PEX19: variants seen among roughly 807,000 people sequenced by gnomAD.
PEX19 encodes the protein 33 kDa housekeeping protein.
A neutral mutation model predicts 36.3 loss-of-function variants in PEX19; 29 were observed. The observed-to-expected ratio is 0.80, with a 90% confidence interval of 0.60 to 1.09. PEX19 has a LOEUF of 1.09. Among genes scored for constraint, PEX19 ranks in the 50% least tolerant of loss-of-function variants. The pLI, the probability that PEX19 is intolerant of heterozygous loss-of-function variation, is 0.00. For missense variants in PEX19, 396 were observed against 368.1 expected, an observed-to-expected ratio of 1.08 and a Z score of -0.62; for synonymous variants, 141 against 135.2, an observed-to-expected ratio of 1.04 and a Z score of -0.30.
rs1197896526 is a variant in PEX19 at position 160,280,099 on chromosome 1, A to G, written c.742T>C (p.Phe248Leu). 1 of 1,613,868 alleles carries G rather than the reference A, an allele frequency of 6.2e-7. No homozygotes were observed. The highest frequency in any genetic ancestry group is 2.2e-5 in the East Asian group (1 of 44,886). The change falls in exon 6 of 8, where the codon TTT (phenylalanine) becomes CTT (leucine). Residue 248 changes from phenylalanine to leucine, a missense_variant. Coordinates refer to ENST00000368072, the MANE Select transcript of PEX19 (RefSeq NM_002857.4). ...TDSETTQKAR[F>L]EMVLDLMQQL... ...TGCATAAGATCCAGCACCATCTCAA[A>G]ACGAGCCTTTTGAGTGGTTTCACTG...
Position 160,283,044 on chromosome 1 carries a change from T to C in PEX19, c.246A>G (p.Gln82=). The change falls in exon 3 of 8, where the codon CAA becomes CAG. Residue 82 remains glutamine (Q), a synonymous_variant. Coordinates refer to ENST00000368072, the MANE Select transcript of PEX19 (RefSeq NM_002857.4). ...QELFDSELAS[Q]ATAEFEKAMK... ...TTGCCTTCTCGAACTCCGCAGTGGCTTGGGAAGCCAGTTCACTGTCGAATA... is the reference window on the plus strand; with the variant it reads ...TTGCCTTCTCGAACTCCGCAGTGGCCTGGGAAGCCAGTTCACTGTCGAATA... The C allele has an allele frequency of 6.2e-7, 1 of 1,614,170 alleles. No individual in the cohort carries two copies. The highest frequency in any genetic ancestry group is 8.5e-7 in the Non-Finnish European group (1 of 1,180,036).
Position 160,285,037 on chromosome 1 carries a change from C to T in PEX19, c.70+18G>A, listed in dbSNP as rs1311789178. The T allele has an allele frequency of 1.9e-6, 3 of 1,594,832 alleles. No individual in the cohort carries two copies. The highest frequency in any genetic ancestry group is 2.6e-6 in the Non-Finnish European group (3 of 1,162,412). On this transcript the variant is annotated intron_variant, in intron 1 of 7. Transcript: ENST00000368072. ...TCACACGTGCCCTCTTCGGGCCTTT[C>T]CCACTATGGGCTCTTACTTTCCAGA...
chr1:160,277,460 C>A lies in PEX19; in HGVS notation c.*2091G>T. On this transcript the variant is annotated 3_prime_UTR_variant, in exon 8 of 8. Transcript: ENST00000368072. ...ACAAAAAACCTGGTCCTTTACCATA[C>A]ATAGTTTGAGAAAGACTGCCCTAGA... 2.2e-6 allele frequency: 1 copy of A among 456,072 alleles called. No individual in the cohort carries two copies. The highest frequency in any genetic ancestry group is 4.4e-6 in the Non-Finnish European group (1 of 226,802). The allele number at this position is 456,072 out of a possible 1,614,324, so 28.3% of individuals were successfully genotyped here.
At position 160,278,292 on chromosome 1, in the gene PEX19, A is replaced by G. The variant is rs945759597; in HGVS notation, c.*1259T>C. 7.2e-6 allele frequency: 5 copies of G among 696,122 alleles called. No homozygotes were observed. The African/African-American group carries it at 8.8e-5, about 12-fold the overall frequency. 43.1% of individuals were successfully genotyped at this position (696,122 alleles called of 1,614,324 possible). ...TAATACCACTTGAAGGGCTTTCTAC[A>G]TTGAAATACTCAAGGGAACATGAGG... is the stretch of plus-strand genomic sequence containing the variant. On this transcript the variant is annotated 3_prime_UTR_variant, in exon 8 of 8. Coordinates refer to ENST00000368072, the MANE Select transcript of PEX19 (RefSeq NM_002857.4).
In PEX19 at chr1:160,278,443, C is replaced by G. The variant is rs1350653767; in HGVS notation, c.*1108G>C. 2 of 578,978 alleles carry G rather than the reference C, an allele frequency of 3.5e-6. No individual in the cohort carries two copies. The highest frequency in any genetic ancestry group is 4.3e-5 in the Admixed American group (2 of 46,278). The allele number at this position is 578,978 out of a possible 1,614,324, so 35.9% of individuals were successfully genotyped here. A position where few individuals can be genotyped will look rare whatever the true frequency, so the allele number is the denominator to read the frequency against. On this transcript the variant is annotated 3_prime_UTR_variant, in exon 8 of 8. Coordinates refer to ENST00000368072, the MANE Select transcript of PEX19 (RefSeq NM_002857.4). Reference sequence around the variant, plus strand: ...TCTCCTAATATACCTCACTCTGCAACTTACGGAAGCTGAGGAAGATCAGAA... The same window carrying G: ...TCTCCTAATATACCTCACTCTGCAAGTTACGGAAGCTGAGGAAGATCAGAA...
Position 160,277,028 on chromosome 1 carries a change from A to C in PEX19, c.*2523T>G. 2.2e-6 allele frequency: 1 copy of C among 454,098 alleles called. No homozygotes were observed. Among genetic ancestry groups the C allele is most frequent in the South Asian group, 1.6e-5 (1 of 64,480 alleles). 28.1% of individuals were successfully genotyped at this position (454,098 alleles called of 1,614,324 possible). A position where few individuals can be genotyped will look rare whatever the true frequency, so the allele number is the denominator to read the frequency against. ...CTAGAGAAATGCTAGAGATGTCCTT[A>C]CTAGTGACACATTCTTGCTGAAGAA... On this transcript the variant is annotated 3_prime_UTR_variant, in exon 8 of 8. Coordinates refer to ENST00000368072, the MANE Select transcript of PEX19 (RefSeq NM_002857.4).
At chr1:160,280,549 C>A (rs1028300503) in intron 5 of PEX19, among the ~76,000 whole-genome samples, 1 of 151,384 alleles carries the variant, frequency 6.6e-6, no homozygotes, top group African/African-American at 2.4e-5. Context: ...CAGAGTTTTA[C>A]TCTGTCACCC....
At position 160,282,211 on chromosome 1, in the gene PEX19, C is replaced by A. The variant is rs41265791; in HGVS notation, c.433-11G>T. 0.031 allele frequency: 50,290 copies of A among 1,613,712 alleles called. 884 individuals carry two copies. Among genetic ancestry groups the A allele is most frequent in the Non-Finnish European group, 0.035 (41,257 of 1,179,742 alleles). On this transcript the variant is annotated splice_polypyrimidine_tract_variant and intron_variant, in intron 4 of 7. Coordinates refer to ENST00000368072, the MANE Select transcript of PEX19 (RefSeq NM_002857.4). ...CGACATGCTGGAGTTCTAGATAGGA[C>A]AAGTAAGAGGTGAGCAGGTATACTA...
At chr1:160,280,312 CAAT>C (rs1657720456) in intron 5 of PEX19, 66 bp from the exon 6 acceptor site, 1 of 1,394,122 alleles carries the variant, frequency 7.2e-7, no homozygotes, top group South Asian at 1.2e-5. Flanking sequence ...GTAATCAGAA[CAAT>C]GTGATTAAAA....
chr1:160,283,647 G>A lies in PEX19; in HGVS notation c.71-8C>T. On this transcript the variant is annotated splice_polypyrimidine_tract_variant and splice_region_variant and intron_variant, in intron 1 of 7. Transcript: ENST00000368072. ...CGAAATCATCAAGAGCACCTTCAGA[G>A]ACAAGAGACATGGTGTGTGTGTTGG... 1 of 1,600,458 alleles carries A rather than the reference G, an allele frequency of 6.2e-7. No homozygotes were observed. The highest frequency in any genetic ancestry group is 8.6e-7 in the Non-Finnish European group (1 of 1,167,516).
chr1:160,283,065 G>A lies in PEX19; in HGVS notation c.225C>T (p.Phe75=), dbSNP rs751536744. Residue 75 remains phenylalanine, a synonymous_variant, in exon 3 of 8, where the codon TTC becomes TTT. Transcript: ENST00000368072. ...TGGCTTGGGAAGCCAGTTCACTGTC[G>A]AATAGTTCCTGGAAAAACTTCTCTT... ...ASQEKFFQEL[F]DSELASQATA... is the part of the protein sequence containing the mutation. 6.8e-6 allele frequency: 11 copies of A among 1,613,902 alleles called. No individual in the cohort carries two copies. Among genetic ancestry groups the A allele is most frequent in the African/African-American group, 4.0e-5 (3 of 74,882 alleles).
chr1:160,281,849 G>A (rs542191132), intron 5 of PEX19, among the ~76,000 whole-genome samples, 190 bp downstream of exon 5: 13 of 152,122 alleles, frequency 8.5e-5, no homozygotes, highest in African/African-American at 2.4e-4. Context: ...CCAACATACC[G>A]TGTGACAGCT....
intron 2 of PEX19, among the ~76,000 whole-genome samples, 177 bp downstream of exon 2, chr1:160,283,353 T>TC (rs1223715917): frequency 6.6e-6 from 1 of 152,178 alleles, no homozygotes; most frequent in Non-Finnish European, 1.5e-5. Flanking sequence ...ACTCTGAGAT[T>TC]CCCCCACTCA....
chr1:160,277,575 A>G lies in PEX19; in HGVS notation c.*1976T>C, dbSNP rs1173350116. Reference sequence around the variant, plus strand: ...AGGTCAACCTGCTCACATTCAATCAAAATCAAAATAAAAATGAGTGCCTTG... The same window carrying G: ...AGGTCAACCTGCTCACATTCAATCAGAATCAAAATAAAAATGAGTGCCTTG... On this transcript the variant is annotated 3_prime_UTR_variant, in exon 8 of 8. Transcript: ENST00000368072. 4.4e-6 allele frequency: 2 copies of G among 454,230 alleles called. No homozygotes were observed. Among genetic ancestry groups the G allele is most frequent in the East Asian group, 1.4e-4 (2 of 14,398 alleles). 28.1% of individuals were successfully genotyped at this position (454,230 alleles called of 1,614,324 possible).
chr1:160,284,198 C>T (rs1657907848), intron 1 of PEX19: 1 of 471,438 alleles, frequency 2.1e-6, no homozygotes, highest in Non-Finnish European at 4.4e-6. Context: ...CAACAACCTT[C>T]TAGAGCTCCC....
chr1:160,283,191 G>GCTT, intron 2 of PEX19, 82 bp from the exon 3 acceptor site: 5 of 1,475,440 alleles, frequency 3.4e-6, no homozygotes, highest in Non-Finnish European at 4.7e-6. Context: ...ACAGGCAGTG[G>GCTT]CTATGGGAAA....
intron 5 of PEX19, 93 bp from the exon 6 acceptor site, chr1:160,280,339 G>A (rs1657722011): frequency 7.8e-7 from 1 of 1,277,394 alleles, no homozygotes; most frequent in Non-Finnish European, 1.1e-6. Flanking sequence ...GAAAGGGAAA[G>A]GGACGTAGAA....
chr1:160,283,209 C>T, intron 2 of PEX19, 100 bp from the exon 3 acceptor site: 11 of 1,250,834 alleles, frequency 8.8e-6, no homozygotes, highest in Non-Finnish European at 1.3e-5. Context: ...AAATGCACCT[C>T]CCTCCTACCC....
Position 160,285,113 on chromosome 1 carries a change from A to T in PEX19, c.12T>A (p.Ala4=). MAA[A]EEGCSVGAEA... The stretch of plus-strand genomic sequence containing the variant: ...CGGCCCCGACACTACAGCCTTCCTC[A>T]GCGGCGGCCATCTTGCTACCTCCGA... Residue 4 remains alanine, a synonymous_variant, in exon 1 of 8, where the codon GCT becomes GCA. Coordinates refer to ENST00000368072, the MANE Select transcript of PEX19 (RefSeq NM_002857.4). The T allele has an allele frequency of 6.2e-7, 1 of 1,613,832 alleles. No individual in the cohort carries two copies. The highest frequency in any genetic ancestry group is 8.5e-7 in the Non-Finnish European group (1 of 1,179,834).
Sources: allele counts gnomAD v4.1 joint callset (sites outside exome capture counted in the v4.1 genomes callset), GRCh38; gene constraint gnomAD v4.1.1; transcripts MANE v1.5; gene names NCBI Gene and HGNC (gene_info 2026-07-23, HGNC 2026-07-21).